The following SGCD variants were observed in gnomAD, a reference collection of about 807,000 sequenced individuals.
The protein encoded by SGCD is sarcoglycan delta, also known as delta-sarcoglycan.
A neutral mutation model predicts 36.6 loss-of-function variants in SGCD; 18 were observed. The observed-to-expected ratio is 0.49, with a 90% CI of 0.34 to 0.73. The LOEUF (loss-of-function observed/expected upper bound fraction) is 0.73, where lower values mean the gene tolerates loss of function less well. Ranked by LOEUF, SGCD falls within the 30% of genes least tolerant of loss-of-function variation. SGCD has a pLI of 0.01. For missense variants in SGCD, 387 were observed against 346.7 expected (o/e 1.12, Z -0.92); for synonymous variants, 133 against 130.6 (o/e 1.02, Z -0.12).
At chr5:156,439,696 A>G (rs1290242627) in intron 3 of SGCD, among the ~76,000 whole-genome samples, 1 of 152,200 alleles carries the variant, frequency 6.6e-6, no homozygotes, top group Admixed American at 6.5e-5. Context: ...TGTTACACCA[A>G]TAAGAATGCA....
At chr5:156,487,779 C>T (rs1755743120) in intron 3 of SGCD, among the ~76,000 whole-genome samples, 1 of 71,368 alleles carries the variant, frequency 1.4e-5, no homozygotes, top group South Asian at 5.7e-4. Flanking sequence ...CAGAGTGAGA[C>T]TCTGTCACCA....
chr5:155,933,861 AC>A (rs1285284264), intron 1 of SGCD, among the ~76,000 whole-genome samples: 1 of 152,202 alleles, frequency 6.6e-6, no homozygotes, highest in Non-Finnish European at 1.5e-5. Context: ...TTCAGAGAAG[AC>A]CGTCAGTTAA....
chr5:156,501,646 A>G (rs917335628), intron 3 of SGCD, among the ~76,000 whole-genome samples: 5 of 152,164 alleles, frequency 3.3e-5, no homozygotes, highest in African/African-American at 9.7e-5. Context: ...TGAAAGTTCT[A>G]ACTGAGGGCT....
intron 3 of SGCD, among the ~76,000 whole-genome samples, chr5:156,158,693 G>A (rs1763020002): frequency 6.6e-6 from 1 of 151,590 alleles, no homozygotes; most frequent in African/African-American, 2.4e-5. Flanking sequence ...TCAATGTGGA[G>A]GAGCAAATGG....
chr5:156,101,258 A>G (rs1232313624), intron 1 of SGCD, among the ~76,000 whole-genome samples: 2 of 152,214 alleles, frequency 1.3e-5, no homozygotes, highest in African/African-American at 4.8e-5. Flanking sequence ...CCTTCCTGAA[A>G]ATAAAGTGCA....
chr5:155,747,276 T>G, the SGCD span, among the ~76,000 whole-genome samples: 8 of 152,228 alleles, frequency 5.3e-5, no homozygotes, highest in South Asian at 1.0e-3. Context: ...TAGAACACAG[T>G]AAGTGGGGTT....
chr5:156,361,784 G>A (rs1170178523), intron 3 of SGCD, among the ~76,000 whole-genome samples: 1 of 152,158 alleles, frequency 6.6e-6, no homozygotes, highest in Admixed American at 6.5e-5. Flanking sequence ...GTGAAACACA[G>A]TAAACTATAG....
In SGCD at chr5:156,158,443, AG is replaced by A. The variant is rs530539811; in HGVS notation, c.-44+34425del. ...GGAAGAGTTTAAAGCAATCTTGGAG[AG>A]TGCTGTGCTCTGGGCCTTGAAACAG... On this transcript the variant is annotated intron_variant, in intron 3 of 9. Coordinates refer to the SGCD transcript ENST00000517913. Among the ~76,000 whole-genome samples, 181 of 151,692 alleles carry A rather than the reference AG, an allele frequency of 1.2e-3. 8 individuals are homozygous for A. Among genetic ancestry groups the A allele is most frequent in the African/African-American group, 4.3e-3 (177 of 41,020 alleles).
the SGCD span, among the ~76,000 whole-genome samples, chr5:155,739,223 G>C: frequency 6.6e-6 from 1 of 152,202 alleles, no homozygotes; most frequent in Non-Finnish European, 1.5e-5. Flanking sequence ...AGAACAGGTT[G>C]AGAATGATAA....
intron 1 of SGCD, among the ~76,000 whole-genome samples, chr5:155,941,487 G>C (rs915003202): frequency 2.7e-5 from 4 of 150,880 alleles, no homozygotes; most frequent in African/African-American, 7.3e-5. Flanking sequence ...TAATTATATT[G>C]CTATTAATAA....
intron 3 of SGCD, among the ~76,000 whole-genome samples, chr5:156,508,397 C>T (rs1420240342): frequency 6.6e-6 from 1 of 152,006 alleles, no homozygotes; most frequent in Non-Finnish European, 1.5e-5. Flanking sequence ...ATAGAATTTT[C>T]TCAGAAAGAG....
chr5:156,572,617 A>C (rs1561786846), intron 4 of SGCD, among the ~76,000 whole-genome samples: 1 of 152,116 alleles, frequency 6.6e-6, no homozygotes, highest in Non-Finnish European at 1.5e-5. Flanking sequence ...CATATTTCTT[A>C]AGTAGACAAT....
intron 3 of SGCD, among the ~76,000 whole-genome samples, chr5:156,135,580 T>C (rs1762437267): frequency 6.6e-6 from 1 of 151,966 alleles, no homozygotes; most frequent in Non-Finnish European, 1.5e-5. Flanking sequence ...CAGCTTCCAG[T>C]TACTTTTTCC....
chr5:156,048,819 T>G (rs1759842939), intron 1 of SGCD, among the ~76,000 whole-genome samples: 1 of 152,182 alleles, frequency 6.6e-6, no homozygotes, highest in Non-Finnish European at 1.5e-5. Context: ...GCAGAAGCTC[T>G]TTAGTTTAAT....
At chr5:156,177,002 T>G (rs1763490503) in intron 3 of SGCD, among the ~76,000 whole-genome samples, 1 of 152,160 alleles carries the variant, frequency 6.6e-6, no homozygotes, top group Non-Finnish European at 1.5e-5. Flanking sequence ...TAATTTTTTA[T>G]TTTTTATTTA....
At chr5:156,516,706 G>T (rs79761934) in intron 4 of SGCD, among the ~76,000 whole-genome samples, 1 of 152,144 alleles carries the variant, frequency 6.6e-6, no homozygotes. Context: ...CAGAAGGTGG[G>T]TAATAATGGG....
chr5:156,393,290 C>T (rs1194490609), intron 3 of SGCD, among the ~76,000 whole-genome samples: 2 of 152,224 alleles, frequency 1.3e-5, no homozygotes, highest in Admixed American at 1.3e-4. Context: ...ATCCTATAGA[C>T]TACATTCATA....
At chr5:156,110,202 T>C (rs952644292) in intron 1 of SGCD, among the ~76,000 whole-genome samples, 3 of 152,150 alleles carry the variant, frequency 2.0e-5, no homozygotes, top group African/African-American at 7.2e-5. Context: ...TGATTGTTTC[T>C]CCCATGTGTG....
chr5:156,535,152 T>G (rs1201539657), intron 4 of SGCD, among the ~76,000 whole-genome samples: 1 of 152,210 alleles, frequency 6.6e-6, no homozygotes, highest in African/African-American at 2.4e-5. Context: ...TGTGATGGTT[T>G]TGTCAGAGAT....
Sources: gnomAD v4.1 joint callset for allele counts (sites outside exome capture counted in the v4.1 genomes callset) on GRCh38, gnomAD v4.1.1 for gene constraint, MANE v1.5 for transcripts, NCBI Gene and HGNC (gene_info 2026-07-23, HGNC 2026-07-21) for gene names.